Variants in NCKAP5 observed in about 807,000 individuals in gnomAD.
NCKAP5 encodes the protein nck-associated protein 5.
In NCKAP5, 92 loss-of-function variants were observed where a neutral mutation model predicts 167.0. That is an observed-to-expected ratio of 0.55 (90% CI 0.47 to 0.66). NCKAP5 has a LOEUF of 0.66. Ranked by LOEUF, NCKAP5 falls within the 30% of genes least tolerant of loss-of-function variation. The probability of loss-of-function intolerance (pLI) is 0.00; values close to 1 mark genes in which losing one functional copy is unlikely to be tolerated. For synonymous variants in NCKAP5, 891 were observed against 877.4 expected (o/e 1.02, Z -0.27); for missense variants, 2,378 against 2,315.0 (o/e 1.03, Z -0.56).
chr2:132,799,975 T>C (rs1217442400), intron 11 of NCKAP5, among the ~76,000 whole-genome samples: 6 of 152,182 alleles, frequency 3.9e-5, no homozygotes, highest in Non-Finnish European at 8.8e-5. Context: ...TAAATAACTG[T>C]GAAAGCACAC....
chr2:133,306,145 G>A (rs1263563056), intron 3 of NCKAP5, among the ~76,000 whole-genome samples: 1 of 152,214 alleles, frequency 6.6e-6, no homozygotes, highest in East Asian at 1.9e-4. Context: ...AATGGAGGGT[G>A]GTAGCATTGG....
intron 10 of NCKAP5, among the ~76,000 whole-genome samples, 189 bp from the exon 11 acceptor site, chr2:132,860,800 A>G (rs184292325): frequency 6.6e-6 from 1 of 152,326 alleles, no homozygotes; most frequent in Admixed American, 6.5e-5. Flanking sequence ...TGTGCAAAGA[A>G]GACCAATTTT....
chr2:132,711,346 TATA>T (rs1688830882), intron 19 of NCKAP5, among the ~76,000 whole-genome samples: 1 of 152,204 alleles, frequency 6.6e-6, no homozygotes, highest in Non-Finnish European at 1.5e-5. Flanking sequence ...GAAATTTATT[TATA>T]ATAATAACAT....
intron 3 of NCKAP5, among the ~76,000 whole-genome samples, chr2:133,411,049 C>T (rs1257495678): frequency 6.6e-6 from 1 of 152,222 alleles, no homozygotes; most frequent in Non-Finnish European, 1.5e-5. Context: ...CTCAGACCTG[C>T]CACACCAGTA....
chr2:133,454,328 T>C (rs933412291), intron 3 of NCKAP5, among the ~76,000 whole-genome samples: 2 of 152,072 alleles, frequency 1.3e-5, no homozygotes, highest in African/African-American at 4.8e-5. Flanking sequence ...ACTGAGGATA[T>C]TGATAAATAT....
chr2:133,216,435 T>C (rs1382200986), intron 4 of NCKAP5, among the ~76,000 whole-genome samples: 1 of 152,000 alleles, frequency 6.6e-6, no homozygotes, highest in African/African-American at 2.4e-5. Flanking sequence ...TTCGTAAGTA[T>C]TGAGAAGAGA....
intron 8 of NCKAP5, among the ~76,000 whole-genome samples, chr2:132,920,694 TATATATAC>T (rs1168107677): frequency 8.1e-6 from 1 of 123,362 alleles, no homozygotes; most frequent in African/African-American, 3.5e-5. Context: ...AGTTTATATA[TATATATAC>T]GTATATGTAT....
chr2:133,521,195 G>A (rs1359082170), intron 2 of NCKAP5, among the ~76,000 whole-genome samples: 1 of 152,184 alleles, frequency 6.6e-6, no homozygotes, highest in African/African-American at 2.4e-5. Context: ...GGGGAAATGA[G>A]TATATCATAT....
intron 16 of NCKAP5, among the ~76,000 whole-genome samples, chr2:132,744,407 C>T (rs1206428927): frequency 6.6e-6 from 1 of 151,472 alleles, no homozygotes; most frequent in East Asian, 1.9e-4. Context: ...ACAACTTATA[C>T]AGTACACTAC....
chr2:132,849,135 G>T (rs752354017), intron 11 of NCKAP5, among the ~76,000 whole-genome samples: 6 of 152,172 alleles, frequency 3.9e-5, no homozygotes, highest in African/African-American at 7.2e-5. Flanking sequence ...GGCTTCGCAG[G>T]GTCCCTGAAT....
chr2:133,334,882 C>A (rs1296543383), intron 3 of NCKAP5, among the ~76,000 whole-genome samples: 1 of 152,162 alleles, frequency 6.6e-6, no homozygotes, highest in African/African-American at 2.4e-5. Flanking sequence ...TAAGAAGGAT[C>A]AGGTTTGCTC....
chr2:133,660,605 A>G, the NCKAP5 span, among the ~76,000 whole-genome samples: 1 of 152,204 alleles, frequency 6.6e-6, no homozygotes, highest in Admixed American at 6.5e-5. Context: ...CTGAAACATT[A>G]TAAGTTTGCC....
intron 4 of NCKAP5, among the ~76,000 whole-genome samples, chr2:133,288,663 T>A (rs1679342308): frequency 6.6e-6 from 1 of 152,074 alleles, no homozygotes; most frequent in Non-Finnish European, 1.5e-5. Context: ...CTTTTGAAAG[T>A]GGTCACAGCC....
At chr2:133,050,528 A>T (rs2079564616) in intron 6 of NCKAP5, among the ~76,000 whole-genome samples, 1 of 152,226 alleles carries the variant, frequency 6.6e-6, no homozygotes, top group African/African-American at 2.4e-5. Flanking sequence ...TGAAAAGATG[A>T]TAACACACTT....
intron 6 of NCKAP5, among the ~76,000 whole-genome samples, chr2:133,097,226 G>C (rs1047094283): frequency 6.6e-6 from 1 of 152,186 alleles, no homozygotes; most frequent in East Asian, 1.9e-4. Context: ...TATGCACAGA[G>C]GGTGGCAGTG....
chr2:133,515,406 A>G (rs1241396952), intron 3 of NCKAP5, among the ~76,000 whole-genome samples: 1 of 152,210 alleles, frequency 6.6e-6, no homozygotes, highest in Non-Finnish European at 1.5e-5. Context: ...AATTTTCCCA[A>G]TCTGGGCATG....
chr2:133,655,373 T>C, the NCKAP5 span, among the ~76,000 whole-genome samples: 1 of 152,322 alleles, frequency 6.6e-6, no homozygotes, highest in Non-Finnish European at 1.5e-5. Context: ...TGGTTTCAAG[T>C]TAGAATGAAA....
At chr2:133,657,596 C>G in the NCKAP5 span, among the ~76,000 whole-genome samples, 5 of 152,226 alleles carry the variant, frequency 3.3e-5, no homozygotes, top group East Asian at 9.7e-4. Context: ...GTTTGAAGAA[C>G]AAAAAAGCTT....
chr2:133,635,664 A>C, the NCKAP5 span, among the ~76,000 whole-genome samples: 1 of 152,226 alleles, frequency 6.6e-6, no homozygotes, highest in South Asian at 2.1e-4. Context: ...AAGACAAGCA[A>C]CTTATTTAAA....
Sources: allele counts gnomAD v4.1 joint callset (sites outside exome capture counted in the v4.1 genomes callset), GRCh38; gene constraint gnomAD v4.1.1; transcripts MANE v1.5; gene names NCBI Gene and HGNC (gene_info 2026-07-23, HGNC 2026-07-21).